Variants in RASGRP1 observed in about 807,000 individuals in gnomAD.
The protein encoded by RASGRP1 is RAS guanyl-releasing protein 1.
A neutral mutation model predicts 95.1 loss-of-function variants in RASGRP1; 37 were observed. The observed-to-expected ratio is 0.39, with a 90% CI of 0.30 to 0.51. RASGRP1 has a LOEUF of 0.51. Among genes scored for constraint, RASGRP1 ranks in the 20% least tolerant of loss-of-function variants. The pLI, the probability that RASGRP1 is intolerant of heterozygous loss-of-function variation, is 0.80. For missense variants in RASGRP1, 711 were observed against 965.4 expected (o/e 0.74, Z 3.49); for synonymous variants, 325 against 353.4 (o/e 0.92, Z 0.90).
At chr15:38,539,125 A>G (rs1343652873) in intron 2 of RASGRP1, among the ~76,000 whole-genome samples, 2 of 152,190 alleles carry the variant, frequency 1.3e-5, no homozygotes, top group African/African-American at 2.4e-5. Context: ...TATGAGTGAC[A>G]GTGCTGTGAC....
Position 38,498,966 on chromosome 15 carries a change from G to C in RASGRP1, c.1721-20C>G, listed in dbSNP as rs1280550981. 2.5e-6 allele frequency: 4 copies of C among 1,613,794 alleles called. No individual in the cohort carries two copies. The highest frequency in any genetic ancestry group is 2.5e-6 in the Non-Finnish European group (3 of 1,179,854). Reference sequence around the variant, plus strand: ...CGCAGTCTGTGGACAAGACATCCTGGGTCAAGAAGTCTTTCACTTTTCTCT... The same window carrying C: ...CGCAGTCTGTGGACAAGACATCCTGCGTCAAGAAGTCTTTCACTTTTCTCT... On this transcript the variant is annotated intron_variant, in intron 14 of 16. Transcript: ENST00000310803.
At chr15:38,512,304 A>C (rs1328577551) in intron 7 of RASGRP1, among the ~76,000 whole-genome samples, 2 of 152,204 alleles carry the variant, frequency 1.3e-5, no homozygotes, top group African/African-American at 4.8e-5. Context: ...AGAAGCTAGA[A>C]TCTCTGGGGA....
In RASGRP1 at chr15:38,528,569, C is replaced by T. The variant is rs185396052; in HGVS notation, c.221-2165G>A. On this transcript the variant is annotated intron_variant, in intron 2 of 16. Coordinates refer to ENST00000310803, the MANE Select transcript of RASGRP1 (RefSeq NM_005739.4). ...CTTGGCTTCCATAGCATCACACTCT[C>T]TCAGCCTCTCTCTCAGGCTCTTCTT... Among the ~76,000 whole-genome samples, 5 of 152,324 alleles carry T rather than the reference C, an allele frequency of 3.3e-5. No homozygotes were observed. The East Asian group carries it at 9.6e-4, about 29-fold the overall frequency.
intron 16 of RASGRP1, 127 bp downstream of exon 16, chr15:38,494,252 CCCT>C (rs1890708529): frequency 1.7e-6 from 2 of 1,199,880 alleles, no homozygotes; most frequent in Middle Eastern, 1.9e-4. Flanking sequence ...CCTGTTTCTC[CCCT>C]CCTCCTTTTT....
At chr15:38,542,842 T>TATATATGTGTGTATATATACAC (rs1892930391) in intron 2 of RASGRP1, among the ~76,000 whole-genome samples, 4 of 115,304 alleles carry the variant, frequency 3.5e-5, no homozygotes, top group Non-Finnish European at 6.5e-5. Flanking sequence ...TGTGTATATA[T>TATATATGTGTGTATATATACAC]ATATATGTGT....
intron 3 of RASGRP1, among the ~76,000 whole-genome samples, chr15:38,525,213 C>T (rs1356411308): frequency 1.3e-5 from 2 of 152,066 alleles, no homozygotes; most frequent in Non-Finnish European, 2.9e-5. Flanking sequence ...AGTGATCTGC[C>T]CACTTTGGCC....
intron 16 of RASGRP1, among the ~76,000 whole-genome samples, chr15:38,492,885 CTT>C (rs1273312659): frequency 8.4e-5 from 12 of 142,812 alleles, no homozygotes; most frequent in Admixed American, 2.1e-4. Context: ...TCCCCACCCG[CTT>C]TTTTTTTTTT....
chr15:38,545,251 C>T (rs1893064275), intron 2 of RASGRP1, among the ~76,000 whole-genome samples: 1 of 152,206 alleles, frequency 6.6e-6, no homozygotes, highest in Non-Finnish European at 1.5e-5. Context: ...TTTATCTCCT[C>T]TGCACTCTCT....
At chr15:38,544,550 G>A (rs1031784284) in intron 2 of RASGRP1, among the ~76,000 whole-genome samples, 4 of 152,218 alleles carry the variant, frequency 2.6e-5, no homozygotes, top group Non-Finnish European at 5.9e-5. Flanking sequence ...TATCTTGGGA[G>A]TTTGGCCCCC....
intron 2 of RASGRP1, among the ~76,000 whole-genome samples, chr15:38,535,836 G>A (rs1172938220): frequency 6.6e-6 from 1 of 152,194 alleles, no homozygotes; most frequent in African/African-American, 2.4e-5. Context: ...CTTCCTTGGG[G>A]ATTGCAGTCT....
rs55669314 is a variant in RASGRP1, at chr15:38,500,298, A to G, written c.1684-159T>C. On this transcript the variant is annotated intron_variant, in intron 13 of 16. Coordinates refer to ENST00000310803, the MANE Select transcript of RASGRP1 (RefSeq NM_005739.4). ...TCTTGTCCCTTCTGACCTTAAATCCATGAGAAGAGTTTATGCTGATCAAAG... is the reference window on the plus strand; with the variant it reads ...TCTTGTCCCTTCTGACCTTAAATCCGTGAGAAGAGTTTATGCTGATCAAAG... Among the ~76,000 whole-genome samples the G allele has an allele frequency of 3.7e-3, 561 of 151,632 alleles. 3 individuals carry two copies. The highest frequency in any genetic ancestry group is 0.013 in the Admixed American group (199 of 15,254).
At chr15:38,550,255 AAAAAG>A (rs1293349495) in intron 2 of RASGRP1, among the ~76,000 whole-genome samples, 44 of 151,412 alleles carry the variant, frequency 2.9e-4, no homozygotes, top group Non-Finnish European at 5.0e-4. Flanking sequence ...AAAAAAAAAA[AAAAAG>A]AAAAGAAAAG....
chr15:38,509,358 T>C (rs1366729499), intron 8 of RASGRP1, among the ~76,000 whole-genome samples: 2 of 152,156 alleles, frequency 1.3e-5, no homozygotes, highest in African/African-American at 4.8e-5. Context: ...GTGACTGATA[T>C]GAAGGAGTCC....
chr15:38,560,728 T>C (rs1033601396), intron 1 of RASGRP1, among the ~76,000 whole-genome samples: 2 of 152,234 alleles, frequency 1.3e-5, no homozygotes, highest in Admixed American at 6.5e-5. Context: ...TTATGAGTCA[T>C]TTTTGTTACT....
rs565854053 is a variant in RASGRP1 at position 38,520,717 on chromosome 15, A to C, written c.327-1346T>G. Among the ~76,000 whole-genome samples, 13 of 152,300 alleles carry C rather than the reference A, an allele frequency of 8.5e-5. No individual in the cohort carries two copies. The South Asian group carries it at 2.7e-3, about 32-fold the overall frequency. ...GAGGTATCTGAAGCACTTAAAAATT[A>C]TCTAAGATATAAAATGCAGAACTGT... On this transcript the variant is annotated intron_variant, in intron 3 of 16. Coordinates refer to ENST00000310803, the MANE Select transcript of RASGRP1 (RefSeq NM_005739.4).
chr15:38,498,855 G>A lies in RASGRP1; in HGVS notation c.1812C>T (p.Asn604=). ...TGGACACTGGCCCCACAGAAGTGTT[G>A]TTCTCTGTGGGAGCTACTGGGTTCT... The part of the protein sequence containing the change: ...RAKNPVAPTE[N]NTSVGPVSNL... Residue 604 remains asparagine (N), a synonymous_variant, in exon 15 of 17, where the codon AAC becomes AAT. Transcript: ENST00000310803. The A allele has an allele frequency of 6.2e-7, 1 of 1,613,834 alleles. No homozygotes were observed. The highest frequency in any genetic ancestry group is 8.5e-7 in the Non-Finnish European group (1 of 1,179,850).
chr15:38,538,161 G>A (rs2141161162), intron 2 of RASGRP1, among the ~76,000 whole-genome samples: 1 of 152,288 alleles, frequency 6.6e-6, no homozygotes, highest in Non-Finnish European at 1.5e-5. Flanking sequence ...CTACTCAGGA[G>A]GCTGAGGCAT....
chr15:38,526,476 C>T, intron 2 of RASGRP1, 72 bp from the exon 3 acceptor site: 14 of 1,101,970 alleles, frequency 1.3e-5, no homozygotes, highest in Non-Finnish European at 1.9e-5. Flanking sequence ...CACCTGCAAA[C>T]CCTCTGTGAC....
chr15:38,518,181 G>A (rs1054308854), intron 5 of RASGRP1, 111 bp downstream of exon 5: 21 of 1,018,656 alleles, frequency 2.1e-5, no homozygotes, highest in Non-Finnish European at 3.1e-5. Context: ...TTCTCAGAGT[G>A]GAGAAAGAGA....
Sources: gnomAD v4.1 joint callset for allele counts (sites outside exome capture counted in the v4.1 genomes callset) on GRCh38, gnomAD v4.1.1 for gene constraint, MANE v1.5 for transcripts, NCBI Gene and HGNC (gene_info 2026-07-23, HGNC 2026-07-21) for gene names.